IFT43: variants seen among roughly 807,000 people sequenced by gnomAD.
IFT43 encodes intraflagellar transport 43, also known as intraflagellar transport protein 43 homolog.
A neutral mutation model predicts 32.3 loss-of-function variants in IFT43; 33 were observed. The ratio of observed to expected loss-of-function variants is 1.02; its 90% CI spans 0.77 to 1.37. The LOEUF (loss-of-function observed/expected upper bound fraction) is 1.37. IFT43 is among the 40% of genes most tolerant of loss of function. IFT43 has a pLI of 0.00. For missense variants in IFT43, 274 were observed against 265.9 expected (o/e 1.03, Z -0.21); for synonymous variants, 93 against 98.2 (o/e 0.95, Z 0.31).
chr14:76,046,537 A>G lies in IFT43; in HGVS notation c.216-12105A>G, dbSNP rs570454658. Among the ~76,000 whole-genome samples, 21 of 152,218 alleles carry G rather than the reference A, an allele frequency of 1.4e-4. No homozygotes were observed. In the East Asian group the frequency reaches 3.7e-3, roughly 27 times the overall value. ...GTGGGGATCAGTTACAGGATTGAGG[A>G]GAAAGACGCCTCAAGCAAGGACAAG... On this transcript the variant is annotated intron_variant, in intron 3 of 8. Coordinates refer to ENST00000314067, the MANE Select transcript of IFT43 (RefSeq NM_001102564.3).
chr14:76,071,079 T>C (rs1273852190), intron 5 of IFT43, among the ~76,000 whole-genome samples: 2 of 152,192 alleles, frequency 1.3e-5, no homozygotes, highest in African/African-American at 4.8e-5. Flanking sequence ...TCTCTCTCAG[T>C]CTCCCTAACC....
chr14:76,001,230 T>C (rs982603474), intron 2 of IFT43, among the ~76,000 whole-genome samples: 8 of 152,198 alleles, frequency 5.3e-5, no homozygotes, highest in Admixed American at 5.2e-4. Context: ...CGGCCTTCTT[T>C]AAGAAAAACA....
intron 4 of IFT43, 149 bp from the exon 5 acceptor site, chr14:76,059,178 C>G: frequency 6.3e-7 from 1 of 1,576,766 alleles, no homozygotes. Context: ...ACCCAGTGGC[C>G]TAATTAGGTT....
chr14:76,082,644 C>A lies in IFT43; in HGVS notation c.396C>A (p.Tyr132Ter). 1.2e-6 allele frequency: 2 copies of A among 1,614,142 alleles called. No individual in the cohort carries two copies. The highest frequency in any genetic ancestry group is 1.7e-6 in the Non-Finnish European group (2 of 1,179,980). The change falls in exon 7 of 9, where the codon TAC becomes TAA. Residue 132 changes from tyrosine (Y) to a stop codon, truncating the protein, a stop_gained. Transcript: ENST00000314067. LOFTEE classifies it high-confidence loss of function. ...PSIQIKRVMT[Y>*]RDLDNDLMKY... ...TCCAGATAAAGCGGGTGATGACCTA[C>A]CGTGACCTGGACAATGACCTCATGA...
At chr14:76,055,532 G>A (rs1252655226) in intron 3 of IFT43, among the ~76,000 whole-genome samples, 2 of 152,042 alleles carry the variant, frequency 1.3e-5, no homozygotes, top group East Asian at 3.9e-4. Context: ...AAAGCTGGTG[G>A]TGCGCCACTA....
intron 2 of IFT43, among the ~76,000 whole-genome samples, chr14:76,007,397 G>T (rs912321857): frequency 6.6e-6 from 1 of 152,174 alleles, no homozygotes; most frequent in Non-Finnish European, 1.5e-5. Context: ...CCAGCCCATG[G>T]GTTAATGCTT....
chr14:76,047,421 G>A (rs1235863135), intron 3 of IFT43, among the ~76,000 whole-genome samples: 2 of 152,150 alleles, frequency 1.3e-5, no homozygotes, highest in Non-Finnish European at 2.9e-5. Flanking sequence ...CAACTGCTTG[G>A]AGAGAAAGGA....
intron 3 of IFT43, among the ~76,000 whole-genome samples, chr14:76,045,060 CTG>C (rs1041103422): frequency 1.3e-5 from 2 of 152,186 alleles, no homozygotes; most frequent in Non-Finnish European, 2.9e-5. Context: ...TATGGGGGGT[CTG>C]TGCCCCAACA....
intron 2 of IFT43, chr14:76,014,031 C>T (rs747456565): frequency 1.2e-5 from 3 of 242,130 alleles, no homozygotes; most frequent in Non-Finnish European, 2.7e-5. Context: ...ACCCCCAGCC[C>T]GAGCACCCAT....
chr14:76,015,792 A>C (rs2036176515), intron 2 of IFT43, among the ~76,000 whole-genome samples: 1 of 152,042 alleles, frequency 6.6e-6, no homozygotes, highest in Non-Finnish European at 1.5e-5. Context: ...TGGGTTTTAG[A>C]CTCTTAGGGA....
intron 3 of IFT43, among the ~76,000 whole-genome samples, chr14:76,042,333 C>T (rs78293121): frequency 6.9e-4 from 105 of 151,986 alleles, no homozygotes; most frequent in African/African-American, 2.3e-3. Flanking sequence ...TTTGGACCCA[C>T]GTAAGTCTGA....
At chr14:76,047,404 C>A (rs2036828587) in intron 3 of IFT43, among the ~76,000 whole-genome samples, 1 of 152,124 alleles carries the variant, frequency 6.6e-6, no homozygotes, top group African/African-American at 2.4e-5. Context: ...TGTAGCTATC[C>A]TCTTTCCAAC....
At chr14:76,017,157 T>C (rs997219095) in intron 2 of IFT43, among the ~76,000 whole-genome samples, 1 of 152,204 alleles carries the variant, frequency 6.6e-6, no homozygotes, top group African/African-American at 2.4e-5. Context: ...TTTTCTCCAT[T>C]AAGTACGATG....
intron 2 of IFT43, among the ~76,000 whole-genome samples, chr14:76,018,421 T>G (rs564948072): frequency 1.3e-5 from 2 of 152,178 alleles, no homozygotes; most frequent in Non-Finnish European, 2.9e-5. Flanking sequence ...ATACTTGATA[T>G]GATTTTGGTT....
In IFT43 at chr14:76,052,460, G is replaced by T. The variant is rs971436309; in HGVS notation, c.216-6182G>T. Among the ~76,000 whole-genome samples the T allele has an allele frequency of 2.0e-5, 3 of 152,184 alleles. No individual in the cohort carries two copies. The South Asian group carries it at 6.2e-4, about 32-fold the overall frequency. On this transcript the variant is annotated intron_variant, in intron 3 of 8. Coordinates refer to ENST00000314067, the MANE Select transcript of IFT43 (RefSeq NM_001102564.3). ...GTTCATGGGGTCCCTGCAGTTGGGG[G>T]TCATAACTACCTGCTAGTCCCACTC...
At chr14:76,021,422 G>A (rs1469499993) in intron 2 of IFT43, among the ~76,000 whole-genome samples, 1 of 152,128 alleles carries the variant, frequency 6.6e-6, no homozygotes, top group Non-Finnish European at 1.5e-5. Flanking sequence ...CTATAATGGA[G>A]TCCCCTGTCA....
Position 75,985,810 on chromosome 14 carries a change from C to T in IFT43, c.24C>T (p.Asp8=), listed in dbSNP as rs759869016. The T allele has an allele frequency of 5.6e-6, 9 of 1,614,028 alleles. No individual in the cohort carries two copies. The African/African-American group carries it at 6.7e-5, about 12-fold the overall frequency. The change falls in exon 1 of 9, where the codon GAC becomes GAT. Residue 8 remains aspartate, a synonymous_variant. Coordinates refer to ENST00000314067, the MANE Select transcript of IFT43 (RefSeq NM_001102564.3). The part of the protein sequence containing the change: MEDLLDL[D]EELRYSLATS... ...AGATGGAGGATTTGCTCGACTTGGA[C>T]GAGGAGCTTCGCTACAGCTTGGCTA...
chr14:76,050,132 A>G (rs936997388), intron 3 of IFT43, among the ~76,000 whole-genome samples: 1 of 152,054 alleles, frequency 6.6e-6, no homozygotes, highest in Non-Finnish European at 1.5e-5. Flanking sequence ...TCATCTCTCC[A>G]TTGGCAAGGC....
intron 5 of IFT43, among the ~76,000 whole-genome samples, chr14:76,069,891 T>C (rs1455089561): frequency 2.0e-5 from 3 of 152,184 alleles, no homozygotes; most frequent in Non-Finnish European, 4.4e-5. Context: ...GCTGTGCTCC[T>C]TTGCATCCTG....
Sources: allele counts gnomAD v4.1 joint callset (sites outside exome capture counted in the v4.1 genomes callset), GRCh38; gene constraint gnomAD v4.1.1; transcripts MANE v1.5; gene names NCBI Gene and HGNC (gene_info 2026-07-23, HGNC 2026-07-21).